TENM2: variants seen among roughly 807,000 people sequenced by gnomAD.
TENM2 encodes the protein teneurin-2.
A neutral mutation model predicts 245.2 loss-of-function variants in TENM2; 52 were observed. The ratio of observed to expected loss-of-function variants is 0.21; its 90% CI spans 0.17 to 0.27. TENM2 has a LOEUF of 0.27. Ranked by LOEUF, TENM2 falls within the 10% of genes least tolerant of loss-of-function variation. TENM2 has a pLI of 1.00. For synonymous variants in TENM2, 1,363 were observed against 1,438.9 expected, an observed-to-expected ratio of 0.95 and a Z score of 1.19; for missense variants, 3,046 against 3,666.8, an observed-to-expected ratio of 0.83 and a Z score of 4.37.
In TENM2 at chr5:167,665,420, G is replaced by A. The variant is rs186380363; in HGVS notation, c.503-210566G>A. On this transcript the variant is annotated intron_variant, in intron 2 of 28. Transcript: ENST00000518659. ...GTTTTAAAACATCTGGAGGCTGAGG[G>A]CAGAAGAGGATATAAGAGACCAAAA... 1.7e-3 allele frequency among the ~76,000 whole-genome samples: 255 copies of A among 151,994 alleles called. 1 individual carries two copies. The highest frequency in any genetic ancestry group is 3.7e-3 in the Admixed American group (56 of 15,270).
intron 2 of TENM2, among the ~76,000 whole-genome samples, chr5:167,801,732 T>G (rs1032080023): frequency 1.3e-5 from 2 of 152,056 alleles, no homozygotes; most frequent in African/African-American, 4.8e-5. Flanking sequence ...AGGCTCATAT[T>G]TGATTTGTAT....
chr5:167,595,010 A>G (rs1776107811), intron 2 of TENM2, among the ~76,000 whole-genome samples: 1 of 152,228 alleles, frequency 6.6e-6, no homozygotes, highest in Admixed American at 6.5e-5. Flanking sequence ...AAAATTACTC[A>G]TTTGAAACTG....
At chr5:167,690,101 CTTTTT>C (rs370994752) in intron 2 of TENM2, among the ~76,000 whole-genome samples, 2,124 of 119,908 alleles carry the variant, frequency 0.018, 57 homozygotes, top group East Asian at 0.1. Context: ...AAAAAACACA[CTTTTT>C]TTTTTTTTTT....
At chr5:167,374,509 A>G (rs2127308366) in intron 1 of TENM2, among the ~76,000 whole-genome samples, 1 of 152,310 alleles carries the variant, frequency 6.6e-6, no homozygotes, top group African/African-American at 2.4e-5. Context: ...CCCTGAGAAA[A>G]TTTTAAGAGA....
intron 2 of TENM2, among the ~76,000 whole-genome samples, chr5:167,434,024 A>G (rs2127447652): frequency 6.6e-6 from 1 of 152,266 alleles, no homozygotes; most frequent in Admixed American, 6.5e-5. Context: ...TAATATGAAA[A>G]TGAGTTTTAA....
chr5:167,806,341 A>G (rs573032867), intron 2 of TENM2, among the ~76,000 whole-genome samples: 1 of 152,240 alleles, frequency 6.6e-6, no homozygotes, highest in African/African-American at 2.4e-5. Context: ...GGAGAGCCCA[A>G]TGAGGTAGTA....
intron 2 of TENM2, among the ~76,000 whole-genome samples, chr5:167,613,378 G>T (rs1222312197): frequency 6.6e-6 from 1 of 152,148 alleles, no homozygotes; most frequent in African/African-American, 2.4e-5. Context: ...CTCCAACTAT[G>T]CTGTGAGATG....
intron 5 of TENM2, among the ~76,000 whole-genome samples, chr5:168,040,547 A>G (rs562739017): frequency 3.9e-5 from 6 of 152,330 alleles, no homozygotes; most frequent in African/African-American, 1.4e-4. Context: ...GTGTATTGCA[A>G]CACTGTCTGG....
chr5:167,372,547 C>A (rs898572591), intron 1 of TENM2, among the ~76,000 whole-genome samples: 9 of 152,128 alleles, frequency 5.9e-5, no homozygotes, highest in African/African-American at 1.2e-4. Context: ...GAAACTAGTT[C>A]TAGATAATGA....
At chr5:167,895,847 C>G (rs1314491773) in intron 3 of TENM2, among the ~76,000 whole-genome samples, 1 of 152,198 alleles carries the variant, frequency 6.6e-6, no homozygotes, top group Non-Finnish European at 1.5e-5. Context: ...TTAGTTTATA[C>G]TGCCTTTGTT....
At chr5:167,790,670 T>C (rs957148199) in intron 2 of TENM2, among the ~76,000 whole-genome samples, 2 of 152,124 alleles carry the variant, frequency 1.3e-5, no homozygotes, top group Admixed American at 6.6e-5. Flanking sequence ...GAACCAATAT[T>C]ATTAGCAACA....
At chr5:167,213,124 A>G in the TENM2 span, among the ~76,000 whole-genome samples, 1 of 152,210 alleles carries the variant, frequency 6.6e-6, no homozygotes, top group South Asian at 2.1e-4. Context: ...GGTGTTTCGT[A>G]TCGTGGAATC....
chr5:167,672,991 A>G (rs1756063789), intron 2 of TENM2, among the ~76,000 whole-genome samples: 2 of 151,806 alleles, frequency 1.3e-5, no homozygotes, highest in South Asian at 4.2e-4. Flanking sequence ...TGGAGATACC[A>G]GCCCAACCTA....
chr5:167,611,549 A>G (rs1319667507), intron 2 of TENM2, among the ~76,000 whole-genome samples: 1 of 152,150 alleles, frequency 6.6e-6, no homozygotes. Flanking sequence ...GTTTTTCAAG[A>G]AAGTTCAGAT....
At chr5:167,597,561 AC>A (rs1320896006) in intron 2 of TENM2, among the ~76,000 whole-genome samples, 1 of 152,212 alleles carries the variant, frequency 6.6e-6, no homozygotes, top group African/African-American at 2.4e-5. Flanking sequence ...TTTAAACAGA[AC>A]AGATAAAATA....
chr5:168,151,000 T>C (rs1756600319), intron 12 of TENM2, among the ~76,000 whole-genome samples: 1 of 152,202 alleles, frequency 6.6e-6, no homozygotes, highest in South Asian at 2.1e-4. Flanking sequence ...CAGGTGCTGT[T>C]GCTTGCCTCC....
intron 1 of TENM2, among the ~76,000 whole-genome samples, chr5:167,363,578 A>G (rs544963647): frequency 6.6e-6 from 1 of 151,998 alleles, no homozygotes; most frequent in East Asian, 1.9e-4. Context: ...AAAAATACAA[A>G]AAATTAACTG....
chr5:167,814,584 T>C (rs1484160021), intron 2 of TENM2, among the ~76,000 whole-genome samples: 1 of 151,552 alleles, frequency 6.6e-6, no homozygotes, highest in African/African-American at 2.4e-5. Flanking sequence ...GTGGTGTAAG[T>C]ATGCAAGATA....
chr5:167,944,131 C>T (rs1227194365), intron 3 of TENM2, among the ~76,000 whole-genome samples: 14 of 152,212 alleles, frequency 9.2e-5, no homozygotes, highest in Admixed American at 6.5e-5. Context: ...AAATCCCTTT[C>T]TGACCCTTCA....
Sources: gnomAD v4.1 joint callset for allele counts (sites outside exome capture counted in the v4.1 genomes callset) on GRCh38, gnomAD v4.1.1 for gene constraint, MANE v1.5 for transcripts, NCBI Gene and HGNC (gene_info 2026-07-23, HGNC 2026-07-21) for gene names.